The following PREX2 variants were observed in gnomAD, a reference collection of about 807,000 sequenced individuals.
PREX2 encodes phosphatidylinositol-3,4,5-trisphosphate dependent Rac exchange factor 2.
A neutral mutation model predicts 203.2 loss-of-function variants in PREX2; 107 were observed. That is an observed-to-expected ratio of 0.53 (90% CI 0.45 to 0.62). The LOEUF is 0.62. Among genes scored for constraint, PREX2 ranks in the 20% least tolerant of loss-of-function variants. The pLI is 0.00. For synonymous variants in PREX2, 672 were observed against 663.6 expected (o/e 1.01, Z -0.19); for missense variants, 1,777 against 1,955.9 (o/e 0.91, Z 1.72).
intron 4 of PREX2, among the ~76,000 whole-genome samples, chr8:68,026,170 G>C (rs1340590696): frequency 6.6e-6 from 1 of 152,070 alleles, no homozygotes; most frequent in African/African-American, 2.4e-5. Context: ...AGGTGTCTGG[G>C]TGAAGTTACA....
Position 68,197,747 on chromosome 8 carries a change from ATATATATATGCTATATTATATATATGC to A in PREX2, c.4604+5263_4604+5289del, listed in dbSNP as rs1457208556. Among the ~76,000 whole-genome samples, 19 of 148,224 alleles carry A rather than the reference ATATATATATGCTATATTATATATATGC, an allele frequency of 1.3e-4. No homozygotes were observed. In the South Asian group the frequency reaches 2.1e-3, roughly 16 times the overall value. ...GCTATATATACATAATATATATGCT[ATATATATATGCTATATTATATATATGC>A]TATATATATGCTATATTATATATAT... On this transcript the variant is annotated intron_variant, in intron 37 of 39. Coordinates refer to ENST00000288368, the MANE Select transcript of PREX2 (RefSeq NM_024870.4).
chr8:67,952,099 C>G lies in PREX2; in HGVS notation c.-296C>G. ...TGTGGCTGCCGAAGCCGCTTCCCCT[C>G]CAGCCCCGGCCGTGTGAGGCCAGAG... On this transcript the variant is annotated 5_prime_UTR_variant, in exon 1 of 40. Transcript: ENST00000288368. 3.3e-6 allele frequency: 1 copy of G among 298,984 alleles called. No homozygotes were observed. The highest frequency in any genetic ancestry group is 5.9e-5 in the East Asian group (1 of 17,078). The allele number at this position is 298,984 out of a possible 1,614,324, so 18.5% of individuals were successfully genotyped here.
intron 19 of PREX2, 93 bp downstream of exon 19, chr8:68,087,902 C>A (rs1489638464): frequency 7.2e-6 from 6 of 831,594 alleles, no homozygotes; most frequent in Non-Finnish European, 1.1e-5. Flanking sequence ...CAGAACCATG[C>A]TGTGATGATT....
chr8:68,172,034 T>A (rs1811887396), intron 35 of PREX2, among the ~76,000 whole-genome samples: 1 of 152,212 alleles, frequency 6.6e-6, no homozygotes, highest in Non-Finnish European at 1.5e-5. Flanking sequence ...TTTTAATATC[T>A]TAAGATGCAT....
Position 67,952,116 on chromosome 8 carries a change from A to C in PREX2, c.-279A>C, listed in dbSNP as rs1396684232. Reference sequence around the variant, plus strand: ...CTTCCCCTCCAGCCCCGGCCGTGTGAGGCCAGAGCAGCGGGGCCGGGCGCG... The same window carrying C: ...CTTCCCCTCCAGCCCCGGCCGTGTGCGGCCAGAGCAGCGGGGCCGGGCGCG... On this transcript the variant is annotated 5_prime_UTR_variant, in exon 1 of 40. Transcript: ENST00000288368. 4 of 312,232 alleles carry C rather than the reference A, an allele frequency of 1.3e-5. No individual in the cohort carries two copies. Among genetic ancestry groups the C allele is most frequent in the Non-Finnish European group, 2.3e-5 (4 of 173,452 alleles). 19.3% of individuals were successfully genotyped at this position (312,232 alleles called of 1,614,324 possible). A position where few individuals can be genotyped will look rare whatever the true frequency, so the allele number is the denominator to read the frequency against.
intron 38 of PREX2, among the ~76,000 whole-genome samples, chr8:68,224,081 C>T (rs1432730521): frequency 6.6e-6 from 1 of 152,012 alleles, no homozygotes; most frequent in African/African-American, 2.4e-5. Context: ...TGCAGTGGCA[C>T]AAATATGGCT....
intron 7 of PREX2, among the ~76,000 whole-genome samples, chr8:68,038,691 T>C (rs1414166182): frequency 6.6e-6 from 1 of 152,162 alleles, no homozygotes; most frequent in Non-Finnish European, 1.5e-5. Flanking sequence ...GCCATGAGTC[T>C]TTCCTCTCCA....
chr8:68,017,813 G>T, intron 1 of PREX2, 33 bp from the exon 2 acceptor site: 1 of 1,577,776 alleles, frequency 6.3e-7, no homozygotes, highest in South Asian at 1.1e-5. Flanking sequence ...TTAACCTAAT[G>T]TTACCTTCAT....
chr8:67,960,061 T>TAA (rs201712897), intron 1 of PREX2, among the ~76,000 whole-genome samples: 1 of 151,014 alleles, frequency 6.6e-6, no homozygotes, highest in African/African-American at 2.5e-5. Context: ...ATTAATTAAT[T>TAA]TATTGATCTC....
chr8:68,098,337 T>G (rs991635988), intron 22 of PREX2, among the ~76,000 whole-genome samples: 1 of 152,152 alleles, frequency 6.6e-6, no homozygotes, highest in Non-Finnish European at 1.5e-5. Context: ...TTTTTAAAAT[T>G]TTAGTGGGAG....
chr8:68,094,551 C>T (rs1355468818), intron 21 of PREX2, among the ~76,000 whole-genome samples: 1 of 152,194 alleles, frequency 6.6e-6, no homozygotes. Context: ...CACAGAAGCC[C>T]ATGAATCACC....
chr8:68,110,667 A>G (rs1202852005), intron 25 of PREX2, among the ~76,000 whole-genome samples: 2 of 152,208 alleles, frequency 1.3e-5, no homozygotes, highest in African/African-American at 4.8e-5. Context: ...GACACAAAAT[A>G]TTTAGAACTT....
intron 22 of PREX2, among the ~76,000 whole-genome samples, chr8:68,098,504 G>A (rs1299677081): frequency 2.6e-5 from 4 of 151,972 alleles, no homozygotes; most frequent in African/African-American, 9.7e-5. Flanking sequence ...TTTTTAAAAT[G>A]CAGTCTCTTC....
intron 33 of PREX2, among the ~76,000 whole-genome samples, 164 bp from the exon 34 acceptor site, chr8:68,146,045 C>G (rs996431546): frequency 1.3e-5 from 2 of 151,984 alleles, no homozygotes; most frequent in African/African-American, 4.8e-5. Flanking sequence ...TGATTTAATA[C>G]TTTCACTGAA....
At chr8:68,104,566 C>T (rs1810354487) in intron 23 of PREX2, among the ~76,000 whole-genome samples, 2 of 152,182 alleles carry the variant, frequency 1.3e-5, no homozygotes, top group Non-Finnish European at 2.9e-5. Flanking sequence ...ATCCTGGTTA[C>T]AACTGGTAAT....
intron 9 of PREX2, among the ~76,000 whole-genome samples, chr8:68,053,480 A>C (rs931607674): frequency 6.6e-6 from 1 of 152,240 alleles, no homozygotes; most frequent in Non-Finnish European, 1.5e-5. Flanking sequence ...CAAAATTGTT[A>C]TGTAATACTT....
At chr8:67,991,672 A>G (rs1037628171) in intron 1 of PREX2, among the ~76,000 whole-genome samples, 1 of 152,134 alleles carries the variant, frequency 6.6e-6, no homozygotes, top group Non-Finnish European at 1.5e-5. Context: ...CGTGGGGAGC[A>G]TGAGGATTAT....
intron 31 of PREX2, among the ~76,000 whole-genome samples, chr8:68,133,815 T>A (rs1585818546): frequency 6.6e-6 from 1 of 152,216 alleles, no homozygotes; most frequent in African/African-American, 2.4e-5. Flanking sequence ...GATTCTAGAA[T>A]AGAGTCACAA....
At chr8:68,050,072 A>G (rs1024399410) in intron 8 of PREX2, among the ~76,000 whole-genome samples, 2 of 152,032 alleles carry the variant, frequency 1.3e-5, no homozygotes, top group African/African-American at 4.8e-5. Context: ...GTATATATAT[A>G]TATGTTTATA....
Sources: gnomAD v4.1 joint callset for allele counts (sites outside exome capture counted in the v4.1 genomes callset) on GRCh38, gnomAD v4.1.1 for gene constraint, MANE v1.5 for transcripts, NCBI Gene and HGNC (gene_info 2026-07-23, HGNC 2026-07-21) for gene names.